The following ADAM22 variants were observed in gnomAD, a reference collection of about 807,000 sequenced individuals.
ADAM22 encodes the protein ADAM metallopeptidase domain 22.
In ADAM22, 65 loss-of-function variants were observed where a neutral mutation model predicts 144.6. The ratio of observed to expected loss-of-function variants is 0.45; its 90% CI spans 0.37 to 0.55. The LOEUF is 0.55. Among genes scored for constraint, ADAM22 ranks in the 20% least tolerant of loss-of-function variants. The pLI is 0.00. For missense variants in ADAM22, 974 were observed against 1,184.9 expected, an observed-to-expected ratio of 0.82 and a Z score of 2.61; for synonymous variants, 391 against 412.6, an observed-to-expected ratio of 0.95 and a Z score of 0.63.
chr7:88,118,639 A>ATC (rs1554482211), intron 7 of ADAM22, among the ~76,000 whole-genome samples: 355 of 103,936 alleles, frequency 3.4e-3, no homozygotes, highest in Non-Finnish European at 5.5e-3. Flanking sequence ...ATAACCTTAT[A>ATC]TATCTATCTA....
At chr7:88,169,935 T>G (rs1234164860) in intron 25 of ADAM22, among the ~76,000 whole-genome samples, 1 of 152,146 alleles carries the variant, frequency 6.6e-6, no homozygotes, top group African/African-American at 2.4e-5. Context: ...GAAGTGGATA[T>G]TTCATTTTTA....
chr7:88,111,757 A>G (rs1354730293), intron 5 of ADAM22, among the ~76,000 whole-genome samples: 1 of 152,192 alleles, frequency 6.6e-6, no homozygotes, highest in Non-Finnish European at 1.5e-5. Context: ...TATAAGTAAA[A>G]CAAAAATATT....
At chr7:88,042,166 T>A (rs1803305318) in intron 3 of ADAM22, among the ~76,000 whole-genome samples, 1 of 152,082 alleles carries the variant, frequency 6.6e-6, no homozygotes, top group Admixed American at 6.5e-5. Context: ...TTCTCACTGT[T>A]TTCCATTGAT....
At chr7:87,994,918 C>T (rs1354411669) in intron 3 of ADAM22, among the ~76,000 whole-genome samples, 4 of 151,928 alleles carry the variant, frequency 2.6e-5, no homozygotes, top group Non-Finnish European at 5.9e-5. Context: ...AGCTCCGCCT[C>T]CCGGGTTCAC....
At chr7:87,984,057 A>G (rs752553139) in intron 3 of ADAM22, among the ~76,000 whole-genome samples, 3 of 152,172 alleles carry the variant, frequency 2.0e-5, no homozygotes, top group Non-Finnish European at 4.4e-5. Flanking sequence ...GTTTTGTCCC[A>G]TATGTTGCTG....
At position 88,113,701 on chromosome 7, in the gene ADAM22, TAA is replaced by T. The variant is rs1491184147; in HGVS notation, c.474-881_474-880del. ...AATATATATATTATAAATAAATAAA[TAA>T]ATATATATATATATATATATATATA... On this transcript the variant is annotated intron_variant, in intron 5 of 31. Coordinates refer to ENST00000413139, the MANE Select transcript of ADAM22 (RefSeq NM_001324418.2). 3.4e-3 allele frequency among the ~76,000 whole-genome samples: 236 copies of T among 70,100 alleles called. 1 individual carries two copies. Among genetic ancestry groups the T allele is most frequent in the African/African-American group, 0.013 (186 of 13,944 alleles). The allele number at this position is 70,100 out of a possible 152,430, so 46.0% of individuals were successfully genotyped here. A position where few individuals can be genotyped will look rare whatever the true frequency, so the allele number is the denominator to read the frequency against.
At chr7:88,175,720 A>G (rs926161235) in intron 26 of ADAM22, among the ~76,000 whole-genome samples, 1 of 152,138 alleles carries the variant, frequency 6.6e-6, no homozygotes, top group African/African-American at 2.4e-5. Context: ...ATAAGAAAGC[A>G]CTCAAGATTT....
intron 7 of ADAM22, among the ~76,000 whole-genome samples, chr7:88,123,358 A>G (rs1050064691): frequency 1.3e-5 from 2 of 151,918 alleles, no homozygotes; most frequent in African/African-American, 2.4e-5. Context: ...GGTAGAATTC[A>G]TCAGTGAAGC....
chr7:88,062,119 A>G (rs1810048263), intron 3 of ADAM22, among the ~76,000 whole-genome samples: 1 of 152,110 alleles, frequency 6.6e-6, no homozygotes, highest in South Asian at 2.1e-4. Flanking sequence ...CTAGAATTAC[A>G]GGTATAAGCC....
chr7:88,149,098 G>A lies in ADAM22; in HGVS notation c.1566+41G>A, dbSNP rs751578388. The stretch of plus-strand genomic sequence containing the variant: ...ACTGCTCTAAAACTTATGGGAAAAA[G>A]TGGGGGTATCTTTAGTGCACTGACC... On this transcript the variant is annotated intron_variant, in intron 18 of 31. Coordinates refer to ENST00000413139, the MANE Select transcript of ADAM22 (RefSeq NM_001324418.2). The A allele has an allele frequency of 3.4e-6, 5 of 1,489,450 alleles. No individual in the cohort carries two copies. The South Asian group carries it at 5.7e-5, about 17-fold the overall frequency. 92.3% of individuals were successfully genotyped at this position (1,489,450 alleles called of 1,614,324 possible).
chr7:88,076,871 G>A (rs530625890), intron 4 of ADAM22, among the ~76,000 whole-genome samples: 9 of 152,168 alleles, frequency 5.9e-5, no homozygotes, highest in South Asian at 4.2e-4. Flanking sequence ...AATCCCACTC[G>A]TTCATATTCA....
chr7:88,101,111 T>G (rs1158956830), intron 4 of ADAM22, among the ~76,000 whole-genome samples: 19 of 151,754 alleles, frequency 1.3e-4, no homozygotes, highest in Non-Finnish European at 1.5e-5. Flanking sequence ...TCTGGGCAGA[T>G]TTTTAAAATA....
At chr7:88,181,345 C>T in intron 27 of ADAM22, 160 bp from the exon 28 acceptor site, 1 of 620,698 alleles carries the variant, frequency 1.6e-6, no homozygotes, top group Non-Finnish European at 2.8e-6. Context: ...CTGCCTTCTT[C>T]ATGAAGACTT....
Position 88,088,703 on chromosome 7 carries a change from C to T in ADAM22, c.390+13011C>T, listed in dbSNP as rs542448089. ...TTCTCATGTCACCTCTTCTAGATTT[C>T]CCCGCAAGGACCATACTTCTCAATA... On this transcript the variant is annotated intron_variant, in intron 4 of 31. Transcript: ENST00000413139. Among the ~76,000 whole-genome samples the T allele has an allele frequency of 6.6e-5, 10 of 152,278 alleles. No homozygotes were observed. The East Asian group carries it at 1.9e-3, about 29-fold the overall frequency.
intron 3 of ADAM22, among the ~76,000 whole-genome samples, chr7:88,011,738 C>T (rs996445678): frequency 1.3e-5 from 2 of 151,340 alleles, no homozygotes; most frequent in Non-Finnish European, 2.9e-5. Context: ...CTCTCCGCCC[C>T]CCACCCCCCA....
intron 2 of ADAM22, among the ~76,000 whole-genome samples, chr7:87,935,414 G>C (rs2131154005): frequency 6.6e-6 from 1 of 152,340 alleles, no homozygotes; most frequent in East Asian, 1.9e-4. Context: ...AGTTTGTGCG[G>C]GGTGCCTTCA....
chr7:88,175,501 T>C (rs1845415571), intron 26 of ADAM22, among the ~76,000 whole-genome samples: 1 of 152,094 alleles, frequency 6.6e-6, no homozygotes, highest in Non-Finnish European at 1.5e-5. Context: ...CAACATGTAA[T>C]TAATGTGGGG....
intron 4 of ADAM22, among the ~76,000 whole-genome samples, chr7:88,091,872 G>A (rs1253603131): frequency 6.6e-6 from 1 of 152,154 alleles, no homozygotes; most frequent in Non-Finnish European, 1.5e-5. Context: ...AATTGAAGAT[G>A]TGTTAGTTCA....
chr7:87,982,599 C>T lies in ADAM22; in HGVS notation c.323+4187C>T, dbSNP rs60042989. 2.0e-3 allele frequency among the ~76,000 whole-genome samples: 291 copies of T among 146,634 alleles called. 11 individuals are homozygous for T. The East Asian group carries it at 0.051, about 26-fold the overall frequency. ...AACAGAGGTTATTGATTTTTCCCCA[C>T]ACTATTTGTTGCATTATTCACTACT... On this transcript the variant is annotated intron_variant, in intron 3 of 31. Coordinates refer to ENST00000413139, the MANE Select transcript of ADAM22 (RefSeq NM_001324418.2).
Sources: gnomAD v4.1 joint callset for allele counts (sites outside exome capture counted in the v4.1 genomes callset) on GRCh38, gnomAD v4.1.1 for gene constraint, MANE v1.5 for transcripts, NCBI Gene and HGNC (gene_info 2026-07-23, HGNC 2026-07-21) for gene names.